The following RAB37 variants were observed in gnomAD, a reference collection of about 807,000 sequenced individuals.
The protein encoded by RAB37 is ras-related protein Rab-37.
RAB37 carries 29 observed loss-of-function variants against 33.1 expected under a neutral mutation model. That is an observed-to-expected ratio of 0.88 (90% CI 0.65 to 1.20). The LOEUF is 1.20. Ranked by LOEUF, RAB37 falls within the 50% of genes most tolerant of loss-of-function variation. The pLI is 0.00. For synonymous variants in RAB37, 128 were observed against 119.5 expected, an observed-to-expected ratio of 1.07 and a Z score of -0.47; for missense variants, 299 against 301.1, an observed-to-expected ratio of 0.99 and a Z score of 0.05.
upstream of RAB37, among the ~76,000 whole-genome samples, chr17:74,732,759 G>A (rs1031078965): frequency 1.4e-4 from 21 of 152,006 alleles, no homozygotes; most frequent in Middle Eastern, 3.4e-3. Context: ...TGAGGTGTGT[G>A]GTGTGATTTG....
At chr17:74,689,215 G>A (rs1370616927) in intron 1 of RAB37, among the ~76,000 whole-genome samples, 4 of 152,094 alleles carry the variant, frequency 2.6e-5, no homozygotes, top group Admixed American at 1.3e-4. Context: ...GGTCGAGGTG[G>A]GCAGATCACC....
chr17:74,677,718 G>A (rs1214574776), intron 1 of RAB37: 3 of 152,208 alleles, frequency 2.0e-5, no homozygotes, highest in African/African-American at 7.2e-5. Context: ...TGGCTGATAG[G>A]TCGGTCCTGC....
Position 74,701,011 on chromosome 17 carries a change from AAGAT to A in RAB37, c.73-28242_73-28239del, listed in dbSNP as rs138280441. Among the ~76,000 whole-genome samples the A allele has an allele frequency of 9.9e-3, 1,510 of 152,320 alleles. 11 individuals carry two copies. The highest frequency in any genetic ancestry group is 0.038 in the South Asian group (185 of 4,828). ...GACGACCACGTGAACACATAGGAAA[AAGAT>A]AGCCATCTACAAGCTGAGAAGACTC... On this transcript the variant is annotated intron_variant, in intron 1 of 7. Transcript: ENST00000340415.
chr17:74,702,646 C>G (rs186369637), intron 1 of RAB37, among the ~76,000 whole-genome samples: 1 of 152,168 alleles, frequency 6.6e-6, no homozygotes, highest in Admixed American at 6.5e-5. Context: ...GCTCCATGAC[C>G]CCACGCCCAC....
chr17:74,711,835 A>G (rs189509357), intron 1 of RAB37, among the ~76,000 whole-genome samples: 21 of 148,790 alleles, frequency 1.4e-4, no homozygotes, highest in Admixed American at 4.0e-4. Flanking sequence ...TTTTCCTCAC[A>G]GTACTTATCA....
chr17:74,698,248 G>A, intron 1 of RAB37: 2 of 738,012 alleles, frequency 2.7e-6, no homozygotes, highest in Non-Finnish European at 4.5e-6. Context: ...GCTGCTGAGG[G>A]CCTTTGGGAC....
upstream of RAB37, chr17:74,736,970 G>T (rs1382382931): frequency 1.3e-6 from 2 of 1,560,014 alleles, no homozygotes; most frequent in Non-Finnish European, 1.7e-6. Context: ...GCTCCCCCAG[G>T]GGCAAGCAAG....
intron 1 of RAB37, chr17:74,698,726 G>A: frequency 2.1e-6 from 2 of 937,416 alleles, no homozygotes; most frequent in African/African-American, 3.3e-5. Context: ...GTGGGAGGAA[G>A]CAAAGAATCA....
chr17:74,740,356 G>A (rs746385198), intron 1 of RAB37, among the ~76,000 whole-genome samples: 1 of 152,180 alleles, frequency 6.6e-6, no homozygotes, highest in Non-Finnish European at 1.5e-5. Context: ...CCCAGCCCAT[G>A]CGTGTACTCA....
chr17:74,695,091 G>A (rs1567780400), intron 1 of RAB37: 1 of 1,611,070 alleles, frequency 6.2e-7, no homozygotes, highest in South Asian at 1.1e-5. Context: ...AGCCTGGAGT[G>A]CAGGCTAAGG....
chr17:74,710,218 G>A (rs950519252), intron 1 of RAB37, among the ~76,000 whole-genome samples: 1 of 151,974 alleles, frequency 6.6e-6, no homozygotes. Context: ...CTTGTGATCC[G>A]CCTGCCTTGG....
At chr17:74,728,488 G>A (rs535284347) in intron 1 of RAB37, among the ~76,000 whole-genome samples, 1 of 151,716 alleles carries the variant, frequency 6.6e-6, no homozygotes, top group East Asian at 1.9e-4. Context: ...GTTTCTGTGT[G>A]TACACGTTTT....
intron 1 of RAB37, among the ~76,000 whole-genome samples, chr17:74,711,401 A>G (rs928622524): frequency 2.0e-5 from 3 of 152,198 alleles, no homozygotes; most frequent in Non-Finnish European, 2.9e-5. Flanking sequence ...TCACTGTGCC[A>G]ATGCATTTCA....
At chr17:74,685,528 G>A (rs78700881) in intron 1 of RAB37, among the ~76,000 whole-genome samples, 7,644 of 152,144 alleles carry the variant, frequency 0.05, 285 homozygotes, top group East Asian at 0.19. Context: ...ATGGGTCTGC[G>A]GCACTTTTAG....
intron 5 of RAB37, among the ~76,000 whole-genome samples, chr17:74,743,586 T>C (rs2034675451): frequency 1.3e-5 from 2 of 152,070 alleles, no homozygotes; most frequent in African/African-American, 4.8e-5. Context: ...GATTCACGAG[T>C]GTGTTTCGTG....
At position 74,745,181 on chromosome 17, in the gene RAB37, T is replaced by G. The variant is rs1037630096; in HGVS notation, c.566+97T>G. On this transcript the variant is annotated intron_variant, in intron 8 of 8. Transcript: ENST00000392613. The surrounding 1 kb of genome is among the most constrained non-coding windows in gnomAD (Gnocchi z 4.5). ...CCCTGGCCCAGCCCCTGGACACACC[T>G]GCATTCTGCAGGCTGAGGTCCATTT... 9 of 1,539,202 alleles carry G rather than the reference T, an allele frequency of 5.8e-6. No individual in the cohort carries two copies. The highest frequency in any genetic ancestry group is 8.1e-6 in the Non-Finnish European group (9 of 1,114,480).
chr17:74,696,369 GAC>G (rs946734551), intron 1 of RAB37: 2 of 758,878 alleles, frequency 2.6e-6, no homozygotes, highest in African/African-American at 1.8e-5. Context: ...TTCCTCAGAT[GAC>G]ACAGTCTGTG....
intron 1 of RAB37, among the ~76,000 whole-genome samples, chr17:74,686,387 C>T (rs1411796131): frequency 6.6e-6 from 1 of 151,842 alleles, no homozygotes; most frequent in Non-Finnish European, 1.5e-5. Flanking sequence ...GCCACCAAGC[C>T]CGGCCTATTA....
At chr17:74,741,542 C>T (rs535197623) in intron 2 of RAB37, among the ~76,000 whole-genome samples, 23 of 149,056 alleles carry the variant, frequency 1.5e-4, no homozygotes, top group Non-Finnish European at 3.0e-4. Context: ...GCTGAGATCG[C>T]GCCACTGCAC....
Sources: gnomAD v4.1 joint callset for allele counts (sites outside exome capture counted in the v4.1 genomes callset) on GRCh38, gnomAD v4.1.1 for gene constraint, Gnocchi (gnomAD v3.1) non-coding constraint, MANE v1.5 for transcripts, NCBI Gene and HGNC (gene_info 2026-07-23, HGNC 2026-07-21) for gene names.